Variants in PCGF5 observed in about 807,000 individuals in gnomAD.
PCGF5 encodes the protein polycomb group RING finger protein 5.
A neutral mutation model predicts 44.3 loss-of-function variants in PCGF5; 9 were observed. The ratio of observed to expected loss-of-function variants is 0.20; its 90% confidence interval spans 0.12 to 0.35. PCGF5 has a LOEUF of 0.35. Among genes scored for constraint, PCGF5 ranks in the 10% least tolerant of loss-of-function variants. The pLI, the probability that PCGF5 is intolerant of heterozygous loss-of-function variation, is 1.00. For missense variants in PCGF5, 146 were observed against 305.3 expected (o/e 0.48, Z 3.89); for synonymous variants, 95 against 102.5 (o/e 0.93, Z 0.44).
At chr10:91,231,445 G>A (rs749300099) in intron 2 of PCGF5, among the ~76,000 whole-genome samples, 1 of 152,174 alleles carries the variant, frequency 6.6e-6, no homozygotes, top group Non-Finnish European at 1.5e-5. Context: ...TTTGAACAAA[G>A]ACCAGGTAAA....
intron 1 of PCGF5, among the ~76,000 whole-genome samples, chr10:91,169,251 A>T (rs1315104420): frequency 6.6e-6 from 1 of 152,254 alleles, no homozygotes; most frequent in African/African-American, 2.4e-5. Context: ...TACCCTAATC[A>T]TGATGCAAAT....
chr10:91,275,159 A>G (rs1455657990), intron 9 of PCGF5, among the ~76,000 whole-genome samples: 3 of 152,210 alleles, frequency 2.0e-5, no homozygotes, highest in Non-Finnish European at 2.9e-5. Flanking sequence ...TGTTATTAAT[A>G]CATAAAGAAT....
intron 1 of PCGF5, among the ~76,000 whole-genome samples, chr10:91,186,550 A>ATGTGTGTG (rs1843927716): frequency 6.9e-6 from 1 of 144,488 alleles, no homozygotes; most frequent in African/African-American, 2.5e-5. Flanking sequence ...GTGTATATAT[A>ATGTGTGTG]TATATATATG....
At chr10:91,165,586 C>T (rs12218813) in intron 1 of PCGF5, among the ~76,000 whole-genome samples, 14,419 of 152,124 alleles carry the variant, frequency 0.095, 1,198 homozygotes, top group African/African-American at 0.21. Context: ...CTCCCAGGCT[C>T]AAGTGATCCA....
chr10:91,183,202 T>C (rs912626699), intron 1 of PCGF5, among the ~76,000 whole-genome samples: 1 of 152,160 alleles, frequency 6.6e-6, no homozygotes, highest in African/African-American at 2.4e-5. Flanking sequence ...TGTTAAAGTC[T>C]CCCACTATTA....
chr10:91,240,378 C>T, intron 2 of PCGF5, 106 bp from the exon 3 acceptor site: 2 of 641,814 alleles, frequency 3.1e-6, no homozygotes, highest in South Asian at 4.0e-5. Flanking sequence ...TAATGATATT[C>T]TACTTGTAGT....
chr10:91,245,700 C>A (rs2450446), intron 3 of PCGF5, among the ~76,000 whole-genome samples: 5 of 151,778 alleles, frequency 3.3e-5, no homozygotes, highest in African/African-American at 7.3e-5. Context: ...AGGCAGACAG[C>A]GAGTACATGG....
intron 1 of PCGF5, among the ~76,000 whole-genome samples, chr10:91,175,621 G>A (rs2133178547): frequency 6.6e-6 from 1 of 152,200 alleles, no homozygotes; most frequent in Middle Eastern, 3.4e-3. Flanking sequence ...ATTGGAAGAA[G>A]GCCTTCAATA....
At chr10:91,225,865 T>C (rs1384678769) in intron 2 of PCGF5, among the ~76,000 whole-genome samples, 1 of 152,092 alleles carries the variant, frequency 6.6e-6, no homozygotes, top group Non-Finnish European at 1.5e-5. Context: ...TGATATGTGG[T>C]GATATCCTGG....
At chr10:91,202,441 G>A (rs1000044383) in intron 1 of PCGF5, among the ~76,000 whole-genome samples, 12 of 152,194 alleles carry the variant, frequency 7.9e-5, no homozygotes, top group African/African-American at 2.9e-4. Context: ...TCTGAAAAAT[G>A]AGGCAAATAA....
upstream of PCGF5, among the ~76,000 whole-genome samples, chr10:91,219,337 T>C (rs1361020702): frequency 6.6e-6 from 1 of 152,248 alleles, no homozygotes; most frequent in Non-Finnish European, 1.5e-5. Flanking sequence ...CCACTGTTAT[T>C]CTTTTAAAAC....
intron 1 of PCGF5, among the ~76,000 whole-genome samples, chr10:91,196,966 T>C (rs1564630979): frequency 2.0e-5 from 3 of 152,180 alleles, no homozygotes; most frequent in Non-Finnish European, 2.9e-5. Flanking sequence ...AGATTCTTTT[T>C]ATCCTGTGCA....
intron 1 of PCGF5, among the ~76,000 whole-genome samples, chr10:91,174,918 TC>T (rs1394575329): frequency 6.6e-6 from 1 of 152,202 alleles, no homozygotes; most frequent in Non-Finnish European, 1.5e-5. Flanking sequence ...AGAAGAGGCA[TC>T]AGCAAATTTT....
chr10:91,229,380 C>T (rs1043688092), intron 2 of PCGF5, among the ~76,000 whole-genome samples: 3 of 152,088 alleles, frequency 2.0e-5, no homozygotes, highest in Non-Finnish European at 4.4e-5. Context: ...TGGAAGTGGC[C>T]ATCTGAGCAG....
At chr10:91,204,639 G>C (rs893184518) in intron 1 of PCGF5, among the ~76,000 whole-genome samples, 1 of 152,184 alleles carries the variant, frequency 6.6e-6, no homozygotes. Context: ...TGAGAACCCA[G>C]AAAATGCAAA....
rs532889847 is a variant in PCGF5, at chr10:91,213,717, C to T, written c.-183-8972C>T. On this transcript the variant is annotated intron_variant, in intron 1 of 9. Coordinates refer to the PCGF5 transcript ENST00000614189. ...GTCAGGCTGGTCTCAAACTCCCGAC[C>T]TCAGAGAGGTCCCCACCTCGGCCTC... Among the ~76,000 whole-genome samples, 11 of 152,012 alleles carry T rather than the reference C, an allele frequency of 7.2e-5. No homozygotes were observed. In the South Asian group the frequency reaches 2.3e-3, roughly 32 times the overall value.
intron 6 of PCGF5, among the ~76,000 whole-genome samples, chr10:91,260,456 C>T (rs1052376254): frequency 1.6e-4 from 25 of 152,180 alleles, no homozygotes; most frequent in Non-Finnish European, 2.6e-4. Flanking sequence ...CATCCCATTA[C>T]TGGGTATATA....
At chr10:91,219,641 C>A (rs927126880), upstream of PCGF5, among the ~76,000 whole-genome samples, 11 of 152,190 alleles carry the variant, frequency 7.2e-5, no homozygotes, top group Non-Finnish European at 1.5e-4. Context: ...GAAAATGGTT[C>A]TTTAAAGGAC....
intron 7 of PCGF5, among the ~76,000 whole-genome samples, chr10:91,262,587 GTAT>G (rs1845949565): frequency 6.6e-6 from 1 of 152,176 alleles, no homozygotes; most frequent in Admixed American, 6.5e-5. Context: ...ACATTGATAG[GTAT>G]TATGTCCATG....
Sources: gnomAD v4.1 joint callset for allele counts (sites outside exome capture counted in the v4.1 genomes callset) on GRCh38, gnomAD v4.1.1 for gene constraint, MANE v1.5 for transcripts, NCBI Gene and HGNC (gene_info 2026-07-23, HGNC 2026-07-21) for gene names.